TIGIT: variants seen among roughly 807,000 people sequenced by gnomAD.
TIGIT encodes T cell immunoreceptor with Ig and ITIM domains.
TIGIT carries 11 observed loss-of-function variants against 19.6 expected under a neutral mutation model. That is an observed-to-expected ratio of 0.56 (90% confidence interval 0.35 to 0.93). TIGIT has a LOEUF of 0.93. Ranked by LOEUF, TIGIT falls within the 40% of genes least tolerant of loss-of-function variation. TIGIT has a pLI of 0.01. For missense variants in TIGIT, 295 were observed against 303.9 expected (o/e 0.97, Z 0.22); for synonymous variants, 130 against 125.5 (o/e 1.04, Z -0.24).
Position 114,308,970 on chromosome 3 carries a change from A to T in TIGIT, c.*839A>T, listed in dbSNP as rs2107957741. ...AGTTTCCTTTTGCTGTGACATACTC[A>T]TCCATTAGACAGCCTGATACAGGCC... On this transcript the variant is annotated 3_prime_UTR_variant, in exon 4 of 4. Coordinates refer to ENST00000383671, the MANE Select transcript of TIGIT (RefSeq NM_173799.4). 6.6e-6 allele frequency: 1 copy of T among 152,344 alleles called. No individual in the cohort carries two copies. The highest frequency in any genetic ancestry group is 1.5e-5 in the Non-Finnish European group (1 of 68,064). The allele number at this position is 152,344 out of a possible 1,614,324, so 9.4% of individuals were successfully genotyped here.
chr3:114,295,728 A>T lies in TIGIT; in HGVS notation c.245A>T (p.Lys82Met), dbSNP rs142612818. The change falls in exon 2 of 4, where the codon AAG becomes ATG. Residue 82 changes from lysine (K) to methionine (M), a missense_variant. By Grantham distance (95) the Lys-to-Met change is moderately conservative. Coordinates refer to ENST00000383671, the MANE Select transcript of TIGIT (RefSeq NM_173799.4). ...GGGTGGCACATCTCCCCATCCTTCA[A>T]GGATCGAGTGGCCCCAGGTCCCGGC... ...DLGWHISPSF[K>M]DRVAPGPGLG... The T allele has an allele frequency of 7.4e-5, 120 of 1,614,186 alleles. No individual in the cohort carries two copies. The African/African-American group carries it at 1.4e-3, about 19-fold the overall frequency.
At chr3:114,305,302 G>T (rs547338047) in intron 3 of TIGIT, among the ~76,000 whole-genome samples, 1 of 152,270 alleles carries the variant, frequency 6.6e-6, no homozygotes, top group South Asian at 2.1e-4. Context: ...GCAGGTGAAT[G>T]ATCCCATTCC....
At position 114,310,186 on chromosome 3, in the gene TIGIT, T is replaced by C. The variant is rs1308924729; in HGVS notation, c.*2055T>C. 1 of 152,206 alleles carries C rather than the reference T, an allele frequency of 6.6e-6. No homozygotes were observed. The highest frequency in any genetic ancestry group is 1.5e-5 in the Non-Finnish European group (1 of 68,034). 9.4% of individuals were successfully genotyped at this position (152,206 alleles called of 1,614,324 possible). On this transcript the variant is annotated 3_prime_UTR_variant, in exon 4 of 4. Coordinates refer to ENST00000383671, the MANE Select transcript of TIGIT (RefSeq NM_173799.4). ...ATAAAATCACACTAGATTCTGGAGA[T>C]TTAATATGAATAATAAGAATACTAT...
intron 2 of TIGIT, chr3:114,296,088 T>G: frequency 2.0e-6 from 1 of 502,866 alleles, no homozygotes; most frequent in Non-Finnish European, 3.5e-6. Context: ...TAAAAGCATT[T>G]CCAGGTGATT....
intron 3 of TIGIT, among the ~76,000 whole-genome samples, chr3:114,304,382 T>C (rs2078516783): frequency 6.6e-6 from 1 of 152,250 alleles, no homozygotes; most frequent in African/African-American, 2.4e-5. Flanking sequence ...AGTAGGTTTA[T>C]TCTCTGAGCA....
At chr3:114,302,961 C>T (rs182047792) in intron 3 of TIGIT, among the ~76,000 whole-genome samples, 19 of 152,220 alleles carry the variant, frequency 1.2e-4, no homozygotes, top group Admixed American at 1.1e-3. Flanking sequence ...GTCTCTGTTG[C>T]AACAATTCAA....
intron 3 of TIGIT, among the ~76,000 whole-genome samples, chr3:114,303,580 TATATA>T (rs2078509763): frequency 5.4e-5 from 1 of 18,526 alleles, no homozygotes. Context: ...TATGTATATA[TATATA>T]TACATATATA....
Position 114,308,180 on chromosome 3 carries a change from G to A in TIGIT, c.*49G>A. On this transcript the variant is annotated 3_prime_UTR_variant, in exon 4 of 4. Coordinates refer to ENST00000383671, the MANE Select transcript of TIGIT (RefSeq NM_173799.4). ...ATACACTTTTGTCTTTGCTATTATA[G>A]ATGAATATATAAGCAGCTGTACTCT... 3.4e-6 allele frequency: 5 copies of A among 1,462,832 alleles called. No individual in the cohort carries two copies. Among genetic ancestry groups the A allele is most frequent in the Non-Finnish European group, 4.8e-6 (5 of 1,047,784 alleles). 90.6% of individuals were successfully genotyped at this position (1,462,832 alleles called of 1,614,324 possible). A position where few individuals can be genotyped will look rare whatever the true frequency, so the allele number is the denominator to read the frequency against.
chr3:114,299,733 T>C (rs1376769202), intron 3 of TIGIT, 30 bp downstream of exon 3: 1 of 1,498,434 alleles, frequency 6.7e-7, no homozygotes, highest in East Asian at 2.3e-5. Flanking sequence ...ACCGCAGTCA[T>C]GGGCACCCCC....
chr3:114,299,013 T>C (rs565867241), intron 2 of TIGIT, among the ~76,000 whole-genome samples: 9 of 152,344 alleles, frequency 5.9e-5, no homozygotes, highest in Admixed American at 2.6e-4. Flanking sequence ...ATTTCACTTA[T>C]GCCACAAATA....
chr3:114,308,093 A>C lies in TIGIT; in HGVS notation c.697A>C (p.Ser233Arg), dbSNP rs2078548059. The change falls in exon 4 of 4, where the codon AGC becomes CGC. Residue 233 changes from serine (S) to arginine (R), a missense_variant. Ser to Arg is a moderately radical substitution (Grantham distance 110, BLOSUM62 -1). Transcript: ENST00000383671. ...HDYFNVLSYR[S>R]LGNCSFFTET... ...CTACTTCAATGTCCTGAGTTACAGA[A>C]GCCTGGGTAACTGCAGCTTCTTCAC... 1 of 1,614,074 alleles carries C rather than the reference A, an allele frequency of 6.2e-7. No individual in the cohort carries two copies. The highest frequency in any genetic ancestry group is 1.7e-5 in the Admixed American group (1 of 60,008).
At chr3:114,307,858 T>C in intron 3 of TIGIT, 37 bp from the exon 4 acceptor site, 1 of 1,575,576 alleles carries the variant, frequency 6.3e-7, no homozygotes, top group South Asian at 1.1e-5. Context: ...TTGAATAACA[T>C]CCCCACATAC....
At chr3:114,295,130 T>G in intron 1 of TIGIT, 4 of 197,960 alleles carry the variant, frequency 2.0e-5, no homozygotes, top group Non-Finnish European at 3.1e-5. Context: ...AAAAGGGAGG[T>G]TGAGATGGGC....
At position 114,296,894 on chromosome 3, in the gene TIGIT, T is replaced by C. The variant is rs2078457051; in HGVS notation, c.391+1020T>C. ...GTTTCCTTTCAAATGTTACTTCTTT[T>C]TTTTTTTTTTTTTTTTTGAGACGGA... On this transcript the variant is annotated intron_variant, in intron 2 of 3. Coordinates refer to ENST00000383671, the MANE Select transcript of TIGIT (RefSeq NM_173799.4). Among the ~76,000 whole-genome samples, 9 of 83,138 alleles carry C rather than the reference T, an allele frequency of 1.1e-4. No homozygotes were observed. In the South Asian group the frequency reaches 3.4e-3, roughly 31 times the overall value. The allele number at this position is 83,138 out of a possible 152,430, so 54.5% of individuals were successfully genotyped here. A position where few individuals can be genotyped will look rare whatever the true frequency, so the allele number is the denominator to read the frequency against.
chr3:114,308,221 G>C lies in TIGIT; in HGVS notation c.*90G>C. ...GCTGTACTCTCCATCAGTGCTGCGTGTGTGTGTGTGTGTGTATGTGTGTGT... is the reference window on the plus strand; with the variant it reads ...GCTGTACTCTCCATCAGTGCTGCGTCTGTGTGTGTGTGTGTATGTGTGTGT... On this transcript the variant is annotated 3_prime_UTR_variant, in exon 4 of 4. Transcript: ENST00000383671. 1 of 839,022 alleles carries C rather than the reference G, an allele frequency of 1.2e-6. No individual in the cohort carries two copies. Among genetic ancestry groups the C allele is most frequent in the East Asian group, 2.5e-5 (1 of 39,464 alleles). The allele number at this position is 839,022 out of a possible 1,614,324, so 52.0% of individuals were successfully genotyped here.
chr3:114,304,030 T>C lies in TIGIT; in HGVS notation c.499-3865T>C, dbSNP rs145238030. On this transcript the variant is annotated intron_variant, in intron 3 of 3. Coordinates refer to ENST00000383671, the MANE Select transcript of TIGIT (RefSeq NM_173799.4). ...TAGTGATGTTGAGCATTTTTTCATA[T>C]GTTTGTTGGCCATTTGTATATCCTT... Among the ~76,000 whole-genome samples, 888 of 152,346 alleles carry C rather than the reference T, an allele frequency of 5.8e-3. 3 individuals carry two copies. The highest frequency in any genetic ancestry group is 9.9e-3 in the Non-Finnish European group (671 of 68,030).
intron 2 of TIGIT, among the ~76,000 whole-genome samples, chr3:114,299,223 T>G (rs1355678865): frequency 2.0e-5 from 3 of 152,254 alleles, no homozygotes; most frequent in Non-Finnish European, 4.4e-5. Flanking sequence ...AATATTTTTA[T>G]TGATATGATT....
Position 114,294,127 on chromosome 3 carries a change from G to C in TIGIT, c.61+5G>C, listed in dbSNP as rs2078438487. The C allele has an allele frequency of 1.3e-6, 2 of 1,550,346 alleles. No homozygotes were observed. Among genetic ancestry groups the C allele is most frequent in the Admixed American group, 2.0e-5 (1 of 50,662 alleles). On this transcript the variant is annotated splice_donor_5th_base_variant and intron_variant, in intron 1 of 3. Transcript: ENST00000383671. ...GGCAGGCTCCCCTCGCCTCAGGTAA[G>C]GCCTGAAACCCAGCAGAGCAGCAGG...
intron 3 of TIGIT, among the ~76,000 whole-genome samples, chr3:114,305,428 A>T (rs2078526368): frequency 6.6e-6 from 1 of 152,200 alleles, no homozygotes; most frequent in Admixed American, 6.5e-5. Flanking sequence ...ACTTATTGGG[A>T]CAGCTCTCAG....
Sources: gnomAD v4.1 joint callset for allele counts (sites outside exome capture counted in the v4.1 genomes callset) on GRCh38, gnomAD v4.1.1 for gene constraint, MANE v1.5 for transcripts, NCBI Gene and HGNC (gene_info 2026-07-23, HGNC 2026-07-21) for gene names.